Variants in PAM observed in about 807,000 individuals in gnomAD.
PAM encodes peptidyl-glycine alpha-amidating monooxygenase.
A neutral mutation model predicts 122.1 loss-of-function variants in PAM; 72 were observed. That is an observed-to-expected ratio of 0.59 (90% CI 0.49 to 0.72). The LOEUF (loss-of-function observed/expected upper bound fraction) is 0.72, where lower values mean the gene tolerates loss of function less well. PAM is among the 30% of genes least tolerant of loss of function. The pLI, the probability that PAM is intolerant of heterozygous loss-of-function variation, is 0.00. For synonymous variants in PAM, 389 were observed against 404.4 expected, an observed-to-expected ratio of 0.96 and a Z score of 0.46; for missense variants, 1,106 against 1,183.7, an observed-to-expected ratio of 0.93 and a Z score of 0.96.
At chr5:102,834,944 G>A (rs1178362929) in intron 1 of PAM, among the ~76,000 whole-genome samples, 1 of 152,106 alleles carries the variant, frequency 6.6e-6, no homozygotes, top group African/African-American at 2.4e-5. Context: ...TACCTACTGT[G>A]CATTTAATGC....
intron 1 of PAM, among the ~76,000 whole-genome samples, chr5:102,863,067 C>A (rs1784615871): frequency 6.6e-6 from 1 of 150,684 alleles, no homozygotes; most frequent in Admixed American, 6.6e-5. Context: ...GTTTTATGGT[C>A]TTCTGGACTA....
intron 15 of PAM, among the ~76,000 whole-genome samples, chr5:102,982,365 T>C (rs1205605281): frequency 6.6e-6 from 1 of 152,124 alleles, no homozygotes; most frequent in East Asian, 1.9e-4. Context: ...ATGCCACCCC[T>C]GGGCCCAAGG....
intron 3 of PAM, among the ~76,000 whole-genome samples, chr5:102,893,706 T>G (rs1795378414): frequency 6.6e-6 from 1 of 151,714 alleles, no homozygotes; most frequent in African/African-American, 2.4e-5. Flanking sequence ...GTGTTTAGGT[T>G]CCTAAGTTTG....
At chr5:103,000,977 A>G (rs1163648689) in intron 16 of PAM, among the ~76,000 whole-genome samples, 1 of 152,194 alleles carries the variant, frequency 6.6e-6, no homozygotes, top group Non-Finnish European at 1.5e-5. Flanking sequence ...ATTAAATTAT[A>G]TTCTTTGGCC....
intron 3 of PAM, among the ~76,000 whole-genome samples, chr5:102,879,837 A>G (rs535851540): frequency 6.6e-6 from 1 of 152,360 alleles, no homozygotes; most frequent in Admixed American, 6.5e-5. Context: ...ATCATGCTGT[A>G]CAGGCTTACA....
chr5:102,931,568 T>C (rs1751521088), intron 7 of PAM, among the ~76,000 whole-genome samples: 1 of 152,202 alleles, frequency 6.6e-6, no homozygotes, highest in African/African-American at 2.4e-5. Context: ...ATTTTTAGAA[T>C]TTCTGGCATT....
intron 1 of PAM, among the ~76,000 whole-genome samples, chr5:102,819,493 A>C (rs916789540): frequency 6.6e-6 from 1 of 151,684 alleles, no homozygotes; most frequent in Non-Finnish European, 1.5e-5. Flanking sequence ...TAGTAGGGTG[A>C]CTCTTAGATA....
chr5:102,985,836 A>C (rs1240060382), intron 15 of PAM, among the ~76,000 whole-genome samples: 1 of 152,144 alleles, frequency 6.6e-6, no homozygotes, highest in Non-Finnish European at 1.5e-5. Flanking sequence ...TAAATGCAAA[A>C]TCCTCAACAC....
At chr5:102,869,059 TGCTGGTTGCCTTTCCAGCAAATA>T (rs1267434197) in intron 3 of PAM, among the ~76,000 whole-genome samples, 2 of 152,246 alleles carry the variant, frequency 1.3e-5, no homozygotes, top group South Asian at 2.1e-4. Context: ...AGTGCATATT[TGCTGGTTGCCTTTCCAGCAAATA>T]GCTGGTTGCC....
At chr5:102,864,514 T>C (rs1784996867) in intron 1 of PAM, 3 of 152,140 alleles carry the variant, frequency 2.0e-5, no homozygotes, top group Non-Finnish European at 4.4e-5. Flanking sequence ...TTATTTATAT[T>C]TGGTATATGG....
chr5:102,780,420 G>A (rs1055599289), intron 1 of PAM, among the ~76,000 whole-genome samples: 3 of 152,002 alleles, frequency 2.0e-5, no homozygotes, highest in African/African-American at 7.3e-5. Context: ...TAAACATAAG[G>A]GGTTTTAAAC....
chr5:102,974,202 G>A lies in PAM; in HGVS notation c.1249G>A (p.Glu417Lys). ...VHKYNPTEKAESESDLVAEIA... is the reference protein window; with the variant it reads ...VHKYNPTEKAKSESDLVAEIA... The stretch of plus-strand genomic sequence containing the variant: ...CAAATATAATCCTACAGAAAAGGCA[G>A]AATCAGAGTCAGACCTGGTAGCTGA... Residue 417 changes from glutamate (E) to lysine (K), a missense_variant, in exon 15 of 26, where the codon GAA (glutamate) becomes AAA (lysine). Glu to Lys is a moderately conservative substitution (Grantham distance 56). This residue lies in a region of PAM where 670 missense variants were observed against 690.3 expected (regional missense o/e 0.97). Transcript: ENST00000438793. The A allele has an allele frequency of 2.5e-6, 4 of 1,613,850 alleles. No homozygotes were observed. The highest frequency in any genetic ancestry group is 3.4e-6 in the Non-Finnish European group (4 of 1,179,792).
At chr5:102,754,791 C>T (rs1749646392), upstream of PAM, 2 of 152,492 alleles carry the variant, frequency 1.3e-5, no homozygotes, top group African/African-American at 4.8e-5. Flanking sequence ...ACATTTTCCT[C>T]TGCTTCTCTC....
chr5:102,981,036 A>G (rs987426131), intron 15 of PAM, among the ~76,000 whole-genome samples: 4 of 152,068 alleles, frequency 2.6e-5, no homozygotes, highest in Non-Finnish European at 5.9e-5. Context: ...CTTCTTGAAA[A>G]TTTCCAGCCT....
At chr5:102,768,457 T>A (rs1754773204) in intron 1 of PAM, among the ~76,000 whole-genome samples, 1 of 151,318 alleles carries the variant, frequency 6.6e-6, no homozygotes, top group Admixed American at 6.6e-5. Flanking sequence ...TTTCCATTTT[T>A]TATGCCCATT....
At chr5:102,864,410 CT>C in intron 1 of PAM, 1 of 152,022 alleles carries the variant, frequency 6.6e-6, no homozygotes, top group Non-Finnish European at 1.5e-5. Flanking sequence ...TATTGTCAGT[CT>C]TTTAAAAATG....
chr5:102,910,352 A>G (rs1159800007), intron 4 of PAM, among the ~76,000 whole-genome samples: 2 of 151,872 alleles, frequency 1.3e-5, no homozygotes, highest in Non-Finnish European at 2.9e-5. Context: ...CAGGTCTTTT[A>G]TTTCAGACGA....
At chr5:102,917,070 T>C (rs1745700818) in intron 5 of PAM, among the ~76,000 whole-genome samples, 1 of 152,082 alleles carries the variant, frequency 6.6e-6, no homozygotes, top group Non-Finnish European at 1.5e-5. Context: ...TGGTATACAT[T>C]ATTTATCTTC....
chr5:102,945,840 A>C (rs937407580), intron 7 of PAM, among the ~76,000 whole-genome samples: 1 of 152,148 alleles, frequency 6.6e-6, no homozygotes, highest in Non-Finnish European at 1.5e-5. Flanking sequence ...TTTTATTGCA[A>C]TAAACGTTTT....
Sources: allele counts gnomAD v4.1 joint callset (sites outside exome capture counted in the v4.1 genomes callset), GRCh38; gene constraint gnomAD v4.1.1; regional missense constraint gnomAD v4.1.1; transcripts MANE v1.5; gene names NCBI Gene and HGNC (gene_info 2026-07-23, HGNC 2026-07-21).